STAU2: variants seen among roughly 807,000 people sequenced by gnomAD.
The protein encoded by STAU2 is staufen double-stranded RNA binding protein 2, also known as double-stranded RNA-binding protein Staufen homolog 2.
Under a neutral mutation model 65.9 loss-of-function variants are expected in STAU2, and 20 were observed. The observed-to-expected ratio is 0.30, with a 90% CI of 0.21 to 0.44. The LOEUF is 0.44. Ranked by LOEUF, STAU2 falls within the 20% of genes least tolerant of loss-of-function variation. The pLI is 1.00. For synonymous variants in STAU2, 232 were observed against 233.9 expected (o/e 0.99, Z 0.07); for missense variants, 558 against 683.9 (o/e 0.82, Z 2.05).
chr8:73,569,884 T>G (rs181216975), intron 12 of STAU2, among the ~76,000 whole-genome samples: 67 of 152,252 alleles, frequency 4.4e-4, no homozygotes, highest in African/African-American at 1.4e-3. Flanking sequence ...AGCTGAAAAT[T>G]CTAAAAATCA....
At chr8:73,559,882 G>C (rs1019071620) in intron 12 of STAU2, among the ~76,000 whole-genome samples, 2 of 151,764 alleles carry the variant, frequency 1.3e-5, no homozygotes, top group Admixed American at 6.6e-5. Flanking sequence ...TACTACTTAT[G>C]AAATCAAAAA....
chr8:73,661,666 G>C (rs1161432154), intron 6 of STAU2, among the ~76,000 whole-genome samples: 2 of 152,110 alleles, frequency 1.3e-5, no homozygotes, highest in African/African-American at 4.8e-5. Flanking sequence ...GCCTATTCTA[G>C]AATTCCACAA....
intron 6 of STAU2, chr8:73,653,068 A>G: frequency 6.6e-6 from 1 of 152,210 alleles, no homozygotes; most frequent in Non-Finnish European, 1.5e-5. Context: ...ATAGCAATTG[A>G]AAAGCATCAA....
rs369623374 is a variant in STAU2 at position 73,709,014 on chromosome 8, C to T, written c.114+18G>A. ...TAGTCTGATAAGTATGTCTCACCAC[C>T]TCTCTTCATAACCTTACCTTTGAAT... is the stretch of plus-strand genomic sequence containing the variant. On this transcript the variant is annotated intron_variant, in intron 4 of 14. Transcript: ENST00000524300. 971 of 1,495,038 alleles carry T rather than the reference C, an allele frequency of 6.5e-4. No individual in the cohort carries two copies. The highest frequency in any genetic ancestry group is 7.9e-4 in the Non-Finnish European group (893 of 1,128,898). 92.6% of individuals were successfully genotyped at this position (1,495,038 alleles called of 1,614,324 possible).
chr8:73,744,825 G>T (rs60475102), intron 1 of STAU2, among the ~76,000 whole-genome samples: 28,629 of 152,072 alleles, frequency 0.19, 2,905 homozygotes, highest in East Asian at 0.35. Flanking sequence ...GTTAACAGGT[G>T]AATCTGAATA....
chr8:73,567,245 C>T (rs1048481717), intron 12 of STAU2, among the ~76,000 whole-genome samples: 7 of 152,140 alleles, frequency 4.6e-5, no homozygotes, highest in African/African-American at 7.2e-5. Flanking sequence ...CAGTGGTTCA[C>T]GCTTGTAATC....
intron 5 of STAU2, among the ~76,000 whole-genome samples, chr8:73,674,572 T>C (rs1009913080): frequency 6.6e-6 from 1 of 151,816 alleles, no homozygotes; most frequent in Non-Finnish European, 1.5e-5. Context: ...AACTTTAAAA[T>C]ATAGTCAAAT....
intron 6 of STAU2, among the ~76,000 whole-genome samples, chr8:73,665,877 A>T (rs1338950816): frequency 1.3e-5 from 2 of 152,212 alleles, no homozygotes; most frequent in Non-Finnish European, 2.9e-5. Flanking sequence ...ACCTATGCAC[A>T]TCCTCCCATA....
At chr8:73,519,220 A>AC (rs1822907422) in intron 13 of STAU2, among the ~76,000 whole-genome samples, 1 of 152,170 alleles carries the variant, frequency 6.6e-6, no homozygotes, top group South Asian at 2.1e-4. Flanking sequence ...GAATGCCAGG[A>AC]CCCACTGCAG....
At chr8:73,451,083 C>T (rs1818775610) in intron 13 of STAU2, among the ~76,000 whole-genome samples, 1 of 152,210 alleles carries the variant, frequency 6.6e-6, no homozygotes, top group Non-Finnish European at 1.5e-5. Context: ...AAGCCTGTAG[C>T]TGGCAGGCAT....
At chr8:73,504,744 G>A (rs1256928112) in intron 13 of STAU2, among the ~76,000 whole-genome samples, 1 of 151,332 alleles carries the variant, frequency 6.6e-6, no homozygotes, top group African/African-American at 2.4e-5. Context: ...TTTTCCTAGT[G>A]AGGATTTTAT....
At chr8:73,457,778 T>C (rs1819147097) in intron 13 of STAU2, among the ~76,000 whole-genome samples, 1 of 152,212 alleles carries the variant, frequency 6.6e-6, no homozygotes, top group Non-Finnish European at 1.5e-5. Flanking sequence ...ATATGCAAAG[T>C]ACTTAACAGG....
chr8:73,686,593 T>C (rs1242650271), intron 5 of STAU2, among the ~76,000 whole-genome samples: 1 of 150,656 alleles, frequency 6.6e-6, no homozygotes, highest in Admixed American at 6.6e-5. Context: ...GGGAGAAGGT[T>C]GGGAGGGGAA....
intron 13 of STAU2, among the ~76,000 whole-genome samples, chr8:73,482,921 G>C (rs751313102): frequency 1.3e-5 from 2 of 152,086 alleles, no homozygotes; most frequent in Non-Finnish European, 2.9e-5. Context: ...GACTTAATTG[G>C]TGGTTTTCTC....
rs966162236 is a variant in STAU2 at position 73,650,633 on chromosome 8, C to T, written c.410+22474G>A. On this transcript the variant is annotated intron_variant, in intron 6 of 14. Transcript: ENST00000524300. ...GAATATTTGCTACTTATACATCAGA[C>T]GGTAATACGTATTAGGACATTTTTA... Among the ~76,000 whole-genome samples the T allele has an allele frequency of 5.9e-5, 9 of 152,254 alleles. No homozygotes were observed. The South Asian group carries it at 8.3e-4, about 14-fold the overall frequency.
rs187948706 is a variant in STAU2 at position 73,575,074 on chromosome 8, C to G, written c.1222+7696G>C. ...AGAAAAACCAAACTTTAAAAGAAAA[C>G]AGAGAAGAATTTTCATGTCATAAAG... On this transcript the variant is annotated intron_variant, in intron 12 of 14. Transcript: ENST00000524300. Among the ~76,000 whole-genome samples the G allele has an allele frequency of 2.7e-3, 395 of 145,052 alleles. 4 individuals carry two copies. The highest frequency in any genetic ancestry group is 9.3e-3 in the African/African-American group (364 of 39,276).
At chr8:73,436,085 T>C (rs1457173055) in intron 13 of STAU2, among the ~76,000 whole-genome samples, 2 of 151,972 alleles carry the variant, frequency 1.3e-5, no homozygotes, top group African/African-American at 4.9e-5. Context: ...TTGGTTTGAG[T>C]AAGCAATTGA....
At position 73,613,876 on chromosome 8, in the gene STAU2, T is replaced by G; in HGVS notation, c.759A>C (p.Glu253Asp). Residue 253 changes from glutamate to aspartate, a missense_variant, in exon 9 of 15, where the codon GAA (glutamate) becomes GAC (aspartate). Transcript: ENST00000524300. ...VSVGEFSAEG[E>D]GNSKKLSKKR... is the part of the protein sequence containing the mutation. ...TCTTGGAGAGTTTTTTGCTATTTCC[T>G]TCTCCTTCTGCAGAGAACTCTCCTA... 1.2e-6 allele frequency: 2 copies of G among 1,613,846 alleles called. No individual in the cohort carries two copies. Among genetic ancestry groups the G allele is most frequent in the Non-Finnish European group, 1.7e-6 (2 of 1,179,894 alleles).
intron 13 of STAU2, chr8:73,441,489 AAAAG>A (rs1469064007): frequency 7.9e-5 from 12 of 152,230 alleles, no homozygotes; most frequent in South Asian, 2.1e-4. Context: ...GCAGTGAGCC[AAAAG>A]AAAGAAAGAA....
Sources: allele counts gnomAD v4.1 joint callset (sites outside exome capture counted in the v4.1 genomes callset), GRCh38; gene constraint gnomAD v4.1.1; transcripts MANE v1.5; gene names NCBI Gene and HGNC (gene_info 2026-07-23, HGNC 2026-07-21).